Variants in GALNT9 observed in about 807,000 individuals in gnomAD.
The protein encoded by GALNT9 is GalNAc transferase 9.
Under a neutral mutation model 63.1 loss-of-function variants are expected in GALNT9, and 47 were observed. The ratio of observed to expected loss-of-function variants is 0.75; its 90% CI spans 0.59 to 0.95. The LOEUF is 0.95. Among genes scored for constraint, GALNT9 ranks in the 40% least tolerant of loss-of-function variants. The pLI, the probability that GALNT9 is intolerant of heterozygous loss-of-function variation, is 0.00. For synonymous variants in GALNT9, 396 were observed against 365.7 expected (o/e 1.08, Z -0.94); for missense variants, 829 against 874.8 (o/e 0.95, Z 0.66).
chr12:132,217,733 T>TC (rs1389253091), intron 6 of GALNT9, among the ~76,000 whole-genome samples: 3 of 138,004 alleles, frequency 2.2e-5, no homozygotes, highest in Non-Finnish European at 1.5e-5. Flanking sequence ...CACGCACTCA[T>TC]CCATCCATCC....
At chr12:132,207,083 T>C (rs547429239) in intron 6 of GALNT9, among the ~76,000 whole-genome samples, 1 of 152,232 alleles carries the variant, frequency 6.6e-6, no homozygotes, top group African/African-American at 2.4e-5. Context: ...AAAGTAAAAA[T>C]AAACCCCAAA....
At chr12:132,328,567 G>C (rs1213817033) in intron 1 of GALNT9, among the ~76,000 whole-genome samples, 1 of 152,192 alleles carries the variant, frequency 6.6e-6, no homozygotes, top group African/African-American at 2.4e-5. Flanking sequence ...ACCTTCAAGA[G>C]TGGAGGGGTC....
At chr12:132,197,644 A>G (rs11246983) in intron 10 of GALNT9, 148 bp downstream of exon 10, 476,264 of 646,286 alleles carry the variant, frequency 0.74, 176,280 homozygotes, top group African/African-American at 0.8. Flanking sequence ...CCATAAGGGA[A>G]CAGCTGATCC....
chr12:132,290,272 T>A (rs529642676), intron 1 of GALNT9, among the ~76,000 whole-genome samples: 1 of 152,214 alleles, frequency 6.6e-6, no homozygotes, highest in South Asian at 2.1e-4. Context: ...GCCCCCATCA[T>A]GACTGCCCAG....
intron 2 of GALNT9, chr12:132,277,138 C>T (rs1385389707): frequency 1.3e-5 from 2 of 154,028 alleles, no homozygotes; most frequent in Non-Finnish European, 2.9e-5. Context: ...TAGTTGGCCT[C>T]TGAGGGGTTA....
At chr12:132,229,314 G>A (rs1245534345) in intron 6 of GALNT9, among the ~76,000 whole-genome samples, 1 of 152,206 alleles carries the variant, frequency 6.6e-6, no homozygotes, top group Non-Finnish European at 1.5e-5. Flanking sequence ...CCCACGAGGC[G>A]CACGCTTTGT....
At chr12:132,253,964 T>C (rs1333666934) in intron 5 of GALNT9, among the ~76,000 whole-genome samples, 2 of 152,096 alleles carry the variant, frequency 1.3e-5, no homozygotes, top group African/African-American at 4.8e-5. Flanking sequence ...AATACAGGAC[T>C]GTGGGCCATG....
rs900235037 is a variant in GALNT9 at position 132,327,954 on chromosome 12, C to T, written c.238+1012G>A. 1.1e-4 allele frequency among the ~76,000 whole-genome samples: 17 copies of T among 152,280 alleles called. No individual in the cohort carries two copies. The highest frequency in any genetic ancestry group is 5.8e-4 in the East Asian group (3 of 5,164). On this transcript the variant is annotated intron_variant, in intron 1 of 10. Transcript: ENST00000328957. The surrounding 1 kb of genome is among the most constrained non-coding windows in gnomAD (Gnocchi z 4.3). ...CGCCTGCCCGCGTAACCCCAGCTCC[C>T]GTCACCTCCCACTCGAGCCTGTTAC...
At chr12:132,215,133 G>A (rs1407242546) in intron 6 of GALNT9, among the ~76,000 whole-genome samples, 2 of 152,218 alleles carry the variant, frequency 1.3e-5, no homozygotes, top group East Asian at 3.9e-4. Context: ...TCCAGACGCC[G>A]GGTCTCCGCA....
intron 4 of GALNT9, among the ~76,000 whole-genome samples, chr12:132,258,798 T>C (rs1287898000): frequency 6.6e-6 from 1 of 152,174 alleles, no homozygotes; most frequent in Non-Finnish European, 1.5e-5. Context: ...CCCTCGCCCT[T>C]GGAGACGCCA....
intron 1 of GALNT9, among the ~76,000 whole-genome samples, chr12:132,324,022 A>G (rs1868920143): frequency 6.6e-6 from 1 of 152,256 alleles, no homozygotes; most frequent in Admixed American, 6.5e-5. Flanking sequence ...GATGAACTCA[A>G]GCTGGAAAGG....
chr12:132,261,046 C>A lies in GALNT9; in HGVS notation c.663G>T (p.Arg221=). 6.4e-7 allele frequency: 1 copy of A among 1,551,436 alleles called. No individual in the cohort carries two copies. The highest frequency in any genetic ancestry group is 8.7e-7 in the Non-Finnish European group (1 of 1,146,968). Residue 221 remains arginine, a synonymous_variant, in exon 4 of 11, where the codon CGG becomes CGT. Coordinates refer to ENST00000328957, the MANE Select transcript of GALNT9 (RefSeq NM_001122636.2). ...GCCGCGCGCGGATCAGTCCTTCCCGCCGGCTGTTGCGGACAATCTTCACGA... is the reference window on the plus strand; with the variant it reads ...GCCGCGCGCGGATCAGTCCTTCCCGACGGCTGTTGCGGACAATCTTCACGA... ...PGLVKIVRNS[R]REGLIRARLQ... is the part of the protein sequence containing the mutation.
intron 1 of GALNT9, among the ~76,000 whole-genome samples, chr12:132,299,305 C>T (rs1426535805): frequency 1.4e-5 from 2 of 143,290 alleles, no homozygotes; most frequent in Non-Finnish European, 3.1e-5. Flanking sequence ...ACTCCCACCA[C>T]ATCTAACCCA....
intron 6 of GALNT9, chr12:132,240,733 G>A (rs782409858): frequency 6.6e-6 from 3 of 455,666 alleles, no homozygotes; most frequent in Non-Finnish European, 1.3e-5. Context: ...TGTTTCCTGG[G>A]AAGTTACCAG....
intron 2 of GALNT9, among the ~76,000 whole-genome samples, 178 bp from the exon 3 acceptor site, chr12:132,262,803 G>A (rs1879453270): frequency 6.6e-6 from 1 of 152,068 alleles, no homozygotes; most frequent in Non-Finnish European, 1.5e-5. Context: ...GGTTTGGGGT[G>A]TGGTCAGGGC....
At chr12:132,237,805 C>T (rs2136895563) in intron 6 of GALNT9, among the ~76,000 whole-genome samples, 14 of 152,238 alleles carry the variant, frequency 9.2e-5, no homozygotes, top group Non-Finnish European at 1.8e-4. Flanking sequence ...CCCGGGACAG[C>T]GCTTGACCCG....
rs575263368 is a variant in GALNT9, at chr12:132,309,213, G to A, written c.238+19753C>T. Among the ~76,000 whole-genome samples, 44 of 152,308 alleles carry A rather than the reference G, an allele frequency of 2.9e-4. 2 individuals are homozygous for A. The South Asian group carries it at 7.9e-3, about 27-fold the overall frequency. On this transcript the variant is annotated intron_variant, in intron 1 of 10. Coordinates refer to ENST00000328957, the MANE Select transcript of GALNT9 (RefSeq NM_001122636.2). Reference sequence around the variant, plus strand: ...GAAACCCTGGAGTTTCCACTTCCTCGGGAGGATCCAGCAATCTGACAGCCT... The same window carrying A: ...GAAACCCTGGAGTTTCCACTTCCTCAGGAGGATCCAGCAATCTGACAGCCT...
At chr12:132,207,027 G>A (rs774444017) in intron 6 of GALNT9, among the ~76,000 whole-genome samples, 3 of 152,176 alleles carry the variant, frequency 2.0e-5, no homozygotes, top group Admixed American at 6.5e-5. Context: ...ATCACGTAAC[G>A]CTCTCCAACC....
At chr12:132,244,715 T>G (rs1175228960) in intron 6 of GALNT9, among the ~76,000 whole-genome samples, 1 of 16,860 alleles carries the variant, frequency 5.9e-5, no homozygotes, top group Non-Finnish European at 1.0e-4. Context: ...GGGGGCGTGG[T>G]GATGGGGCTG....
Sources: gnomAD v4.1 joint callset for allele counts (sites outside exome capture counted in the v4.1 genomes callset) on GRCh38, gnomAD v4.1.1 for gene constraint, Gnocchi (gnomAD v3.1) non-coding constraint, MANE v1.5 for transcripts, NCBI Gene and HGNC (gene_info 2026-07-23, HGNC 2026-07-21) for gene names.